The following DPP10 variants were observed in gnomAD, a reference collection of about 807,000 sequenced individuals.
DPP10 encodes the protein dipeptidyl peptidase like 10.
Under a neutral mutation model 120.9 loss-of-function variants are expected in DPP10, and 33 were observed. The observed-to-expected ratio is 0.27, with a 90% CI of 0.21 to 0.37. The LOEUF (loss-of-function observed/expected upper bound fraction) is 0.37, where lower values mean the gene tolerates loss of function less well. Ranked by LOEUF, DPP10 falls within the 10% of genes least tolerant of loss-of-function variation. The pLI is 1.00. For missense variants in DPP10, 816 were observed against 942.8 expected (o/e 0.87, Z 1.76); for synonymous variants, 337 against 326.1 (o/e 1.03, Z -0.36).
At chr2:115,588,516 A>G (rs2082429514) in intron 5 of DPP10, among the ~76,000 whole-genome samples, 1 of 152,170 alleles carries the variant, frequency 6.6e-6, no homozygotes, top group Non-Finnish European at 1.5e-5. Flanking sequence ...ACAGACATTG[A>G]TCTTCCAAAG....
At chr2:115,167,663 T>G (rs1482684168) in intron 1 of DPP10, among the ~76,000 whole-genome samples, 2 of 151,960 alleles carry the variant, frequency 1.3e-5, no homozygotes, top group Non-Finnish European at 2.9e-5. Context: ...GATCCATTAT[T>G]TTAAGTTTAC....
chr2:115,538,513 A>G (rs1484029161), intron 5 of DPP10, among the ~76,000 whole-genome samples: 1 of 152,038 alleles, frequency 6.6e-6, no homozygotes, highest in Admixed American at 6.6e-5. Flanking sequence ...TAATCTATAT[A>G]ATCAAGATTA....
intron 3 of DPP10, among the ~76,000 whole-genome samples, chr2:115,493,183 A>G (rs1558751327): frequency 6.6e-6 from 1 of 152,046 alleles, no homozygotes; most frequent in Non-Finnish European, 1.5e-5. Flanking sequence ...GGGCTGTGTA[A>G]TGGTAATACC....
intron 3 of DPP10, among the ~76,000 whole-genome samples, chr2:115,472,730 A>G (rs1180161159): frequency 6.6e-6 from 1 of 152,234 alleles, no homozygotes; most frequent in Non-Finnish European, 1.5e-5. Context: ...TTTCAAGTAT[A>G]TAGACTAGTT....
intron 7 of DPP10, among the ~76,000 whole-genome samples, chr2:115,726,104 T>C (rs1462919989): frequency 6.6e-6 from 1 of 152,166 alleles, no homozygotes; most frequent in African/African-American, 2.4e-5. Context: ...GCAATAAATA[T>C]TATTTGTTAA....
Position 114,466,941 on chromosome 2 carries a change from C to T in DPP10, c.60+24103C>T, listed in dbSNP as rs557803782. 1.9e-4 allele frequency among the ~76,000 whole-genome samples: 29 copies of T among 151,458 alleles called. No homozygotes were observed. The South Asian group carries it at 4.6e-3, about 24-fold the overall frequency. ...CAGATGCCTATAGTCCCAGCTACTC[C>T]GGAAGCACAAAAATTGCTTGAACCC... On this transcript the variant is annotated intron_variant, in intron 1 of 25. Transcript: ENST00000410059.
At chr2:114,759,133 C>T (rs937574328) in intron 1 of DPP10, among the ~76,000 whole-genome samples, 9 of 152,152 alleles carry the variant, frequency 5.9e-5, no homozygotes, top group African/African-American at 2.2e-4. Context: ...ACTTTAATTA[C>T]AGTAACTACA....
chr2:114,590,302 TTA>T (rs1303829361), intron 1 of DPP10, among the ~76,000 whole-genome samples: 8 of 152,098 alleles, frequency 5.3e-5, no homozygotes, highest in Non-Finnish European at 1.2e-4. Flanking sequence ...GAATGATAGT[TTA>T]TGTTTTTGTG....
chr2:115,782,438 G>A (rs1348559339), intron 17 of DPP10, 39 bp downstream of exon 17: 16 of 1,565,428 alleles, frequency 1.0e-5, no homozygotes, highest in Non-Finnish European at 1.4e-5. Flanking sequence ...AGTTATGGTT[G>A]GCATTAGTCT....
chr2:115,529,617 A>G (rs2078345277), intron 5 of DPP10, among the ~76,000 whole-genome samples: 1 of 151,204 alleles, frequency 6.6e-6, no homozygotes, highest in African/African-American at 2.5e-5. Context: ...AATCTGATAC[A>G]GTTTTTAAAG....
rs531011216 is a variant in DPP10 at position 115,584,685 on chromosome 2, A to G, written c.441+58713A>G. On this transcript the variant is annotated intron_variant, in intron 5 of 25. Transcript: ENST00000410059. ...ATGCTGTGTGGTGACCAACAAATCAATCATGCCTCCTTTCCATGGTCTAGA... is the reference window on the plus strand; with the variant it reads ...ATGCTGTGTGGTGACCAACAAATCAGTCATGCCTCCTTTCCATGGTCTAGA... Among the ~76,000 whole-genome samples, 4 of 152,310 alleles carry G rather than the reference A, an allele frequency of 2.6e-5. No homozygotes were observed. In the East Asian group the frequency reaches 7.7e-4, roughly 29 times the overall value.
chr2:114,832,214 G>A (rs797021355), intron 1 of DPP10, among the ~76,000 whole-genome samples: 17 of 152,222 alleles, frequency 1.1e-4, no homozygotes, highest in African/African-American at 3.9e-4. Flanking sequence ...AGTTTTCTTA[G>A]ATCTTGTTGA....
intron 1 of DPP10, among the ~76,000 whole-genome samples, chr2:114,641,445 C>T (rs1293795544): frequency 6.6e-6 from 1 of 151,966 alleles, no homozygotes; most frequent in Admixed American, 6.5e-5. Context: ...AAGACACCTC[C>T]AAACGTTATA....
intron 3 of DPP10, among the ~76,000 whole-genome samples, chr2:115,394,399 A>G (rs2106556017): frequency 6.6e-6 from 1 of 151,334 alleles, no homozygotes; most frequent in Admixed American, 6.6e-5. Flanking sequence ...AATGTGAGAG[A>G]TGTTAAAATT....
chr2:115,780,982 A>G lies in DPP10; in HGVS notation c.1470A>G (p.Leu490=), dbSNP rs751819736. 9 of 1,587,188 alleles carry G rather than the reference A, an allele frequency of 5.7e-6. No homozygotes were observed. The South Asian group carries it at 1.0e-4, about 18-fold the overall frequency. ...ASFSPMNQHF[L]LFCEGPRVPV... is the part of the protein sequence containing the mutation. ...TTAGTCCCATGAATCAACATTTCTT[A>G]TTATTCTGTGAAGGTAAGATAATAC... The change falls in exon 16 of 26, where the codon TTA becomes TTG. Residue 490 remains leucine, a synonymous_variant. Coordinates refer to ENST00000410059, the MANE Select transcript of DPP10 (RefSeq NM_020868.6).
At chr2:114,737,391 A>C (rs1677551311) in intron 1 of DPP10, among the ~76,000 whole-genome samples, 1 of 152,200 alleles carries the variant, frequency 6.6e-6, no homozygotes. Context: ...ACAAGTTTTT[A>C]AGAAAGATGC....
intron 1 of DPP10, among the ~76,000 whole-genome samples, chr2:114,451,768 G>T (rs930952348): frequency 2.6e-5 from 4 of 152,068 alleles, no homozygotes; most frequent in African/African-American, 9.7e-5. Context: ...AAGATCTTGG[G>T]ATCTAAATTC....
At chr2:114,898,776 C>T (rs898997965) in intron 1 of DPP10, among the ~76,000 whole-genome samples, 2 of 152,154 alleles carry the variant, frequency 1.3e-5, no homozygotes, top group Admixed American at 6.5e-5. Context: ...TGCTTTTAAC[C>T]ATTTTCTCCA....
At chr2:114,949,020 G>A (rs1697576888) in intron 1 of DPP10, among the ~76,000 whole-genome samples, 1 of 151,984 alleles carries the variant, frequency 6.6e-6, no homozygotes, top group African/African-American at 2.4e-5. Context: ...CGCCTCCCGG[G>A]TTCAAGTGAT....
Sources: gnomAD v4.1 joint callset for allele counts (sites outside exome capture counted in the v4.1 genomes callset) on GRCh38, gnomAD v4.1.1 for gene constraint, MANE v1.5 for transcripts, NCBI Gene and HGNC (gene_info 2026-07-23, HGNC 2026-07-21) for gene names.